GRIP1: variants seen among roughly 807,000 people sequenced by gnomAD.
The protein encoded by GRIP1 is glutamate receptor-interacting protein 1.
GRIP1 carries 45 observed loss-of-function variants against 129.9 expected under a neutral mutation model. The observed-to-expected ratio is 0.35, with a 90% CI of 0.27 to 0.44. GRIP1 has a LOEUF of 0.44. Among genes scored for constraint, GRIP1 ranks in the 20% least tolerant of loss-of-function variants. The pLI is 1.00. For missense variants in GRIP1, 1,196 were observed against 1,396.8 expected (o/e 0.86, Z 2.29); for synonymous variants, 530 against 520.8 (o/e 1.02, Z -0.24).
chr12:66,589,808 T>C (rs991607430), intron 2 of GRIP1, among the ~76,000 whole-genome samples: 3 of 152,122 alleles, frequency 2.0e-5, no homozygotes, highest in African/African-American at 7.2e-5. Flanking sequence ...TCTGAGTCAA[T>C]ATAAGGTCAA....
intron 7 of GRIP1, among the ~76,000 whole-genome samples, chr12:66,468,035 T>C (rs2059335601): frequency 6.6e-6 from 1 of 152,262 alleles, no homozygotes; most frequent in South Asian, 2.1e-4. Flanking sequence ...TGATATCTCA[T>C]CTTCTCTTCT....
chr12:66,511,920 G>A (rs977016992), intron 7 of GRIP1, among the ~76,000 whole-genome samples: 19 of 152,240 alleles, frequency 1.2e-4, no homozygotes, highest in African/African-American at 4.6e-4. Flanking sequence ...AATCCCACAT[G>A]TTGCTGGAGG....
At chr12:66,481,236 AAAAAC>A (rs1332155145) in intron 7 of GRIP1, among the ~76,000 whole-genome samples, 3 of 144,906 alleles carry the variant, frequency 2.1e-5, no homozygotes, top group Non-Finnish European at 3.0e-5. Flanking sequence ...ACAAAAAAAA[AAAAAC>A]AAATTCACAA....
intron 1 of GRIP1, among the ~76,000 whole-genome samples, chr12:66,690,760 T>G (rs61518510): frequency 0.46 from 68,256 of 148,534 alleles, 16,668 homozygotes; most frequent in Non-Finnish European, 0.52. Flanking sequence ...TAGAGACAAG[T>G]TCTCGCTATG....
intron 1 of GRIP1, among the ~76,000 whole-genome samples, chr12:66,976,175 C>A (rs2042148611): frequency 6.6e-6 from 1 of 152,138 alleles, no homozygotes; most frequent in African/African-American, 2.4e-5. Context: ...AAAGATTATG[C>A]CCATTGCCAC....
intron 1 of GRIP1, among the ~76,000 whole-genome samples, chr12:66,688,012 A>T (rs1008261407): frequency 2.0e-5 from 3 of 152,186 alleles, no homozygotes; most frequent in Non-Finnish European, 4.4e-5. Flanking sequence ...ACATGGGAAA[A>T]GCTGACTTTG....
At chr12:66,362,564 G>A (rs1357847077) in intron 23 of GRIP1, among the ~76,000 whole-genome samples, 1 of 151,914 alleles carries the variant, frequency 6.6e-6, no homozygotes, top group Non-Finnish European at 1.5e-5. Flanking sequence ...GGGAAATGGA[G>A]TGACCTTCAG....
intron 1 of GRIP1, among the ~76,000 whole-genome samples, chr12:66,628,903 C>T (rs929449462): frequency 6.6e-6 from 1 of 152,284 alleles, no homozygotes; most frequent in Admixed American, 6.5e-5. Flanking sequence ...TTTTACCCCA[C>T]CAAACTATGA....
intron 23 of GRIP1, among the ~76,000 whole-genome samples, chr12:66,359,120 C>T (rs1456666768): frequency 6.6e-6 from 1 of 152,198 alleles, no homozygotes; most frequent in Non-Finnish European, 1.5e-5. Flanking sequence ...TACAGAGGTG[C>T]AGTCCTGCAG....
Position 66,698,894 on chromosome 12 carries a change from A to C in GRIP1, c.-419-68558T>G, listed in dbSNP as rs187397184. 1.8e-3 allele frequency among the ~76,000 whole-genome samples: 272 copies of C among 152,318 alleles called. 1 individual carries two copies. Among genetic ancestry groups the C allele is most frequent in the African/African-American group, 6.3e-3 (260 of 41,566 alleles). ...CTACTGTATGATTGTGGGCAAACTC[A>C]TATTTTCATAAGTGGGGAAAACAGC... On this transcript the variant is annotated intron_variant, in intron 1 of 4. Coordinates refer to the GRIP1 transcript ENST00000538373.
chr12:66,611,595 C>T (rs2064794673), intron 1 of GRIP1, among the ~76,000 whole-genome samples: 1 of 152,106 alleles, frequency 6.6e-6, no homozygotes, highest in Admixed American at 6.6e-5. Flanking sequence ...TGAGGAATAG[C>T]TGTTCTATGA....
At chr12:66,896,330 G>A (rs772786010) in intron 1 of GRIP1, among the ~76,000 whole-genome samples, 8 of 152,174 alleles carry the variant, frequency 5.3e-5, no homozygotes, top group East Asian at 3.9e-4. Flanking sequence ...TTGTGTGTGT[G>A]CAATCCACAG....
intron 5 of GRIP1, among the ~76,000 whole-genome samples, chr12:66,524,679 A>G (rs1037484800): frequency 2.4e-4 from 37 of 152,330 alleles, no homozygotes; most frequent in Non-Finnish European, 3.4e-4. Flanking sequence ...AACTAAAATC[A>G]GAGCAGAACT....
At chr12:66,450,226 C>T (rs1406229777) in intron 11 of GRIP1, among the ~76,000 whole-genome samples, 2 of 141,218 alleles carry the variant, frequency 1.4e-5, no homozygotes, top group South Asian at 2.2e-4. Context: ...ATGGCGTGAA[C>T]CCGGGAGGCG....
chr12:66,897,215 G>A (rs868211811), intron 1 of GRIP1, among the ~76,000 whole-genome samples: 9 of 152,150 alleles, frequency 5.9e-5, no homozygotes, highest in Admixed American at 2.6e-4. Flanking sequence ...GGAGGCACTC[G>A]GTATGTGTCA....
intron 1 of GRIP1, among the ~76,000 whole-genome samples, chr12:67,033,292 T>TAA (rs1491217773): frequency 6.9e-6 from 1 of 145,550 alleles, no homozygotes; most frequent in Non-Finnish European, 1.5e-5. Context: ...TATATATATA[T>TAA]AAAGACAAAT....
At chr12:66,914,978 A>C (rs1367382179) in intron 1 of GRIP1, among the ~76,000 whole-genome samples, 2 of 152,004 alleles carry the variant, frequency 1.3e-5, no homozygotes, top group African/African-American at 4.8e-5. Flanking sequence ...AAAAGACTAA[A>C]CCCCAGAAAG....
intron 13 of GRIP1, among the ~76,000 whole-genome samples, chr12:66,435,902 C>T (rs1294216010): frequency 6.6e-6 from 1 of 152,082 alleles, no homozygotes; most frequent in Non-Finnish European, 1.5e-5. Context: ...TCTTTAAATG[C>T]CAACATGATT....
chr12:66,541,660 T>C (rs1187656498), intron 3 of GRIP1, among the ~76,000 whole-genome samples, 155 bp downstream of exon 3: 1 of 152,234 alleles, frequency 6.6e-6, no homozygotes, highest in African/African-American at 2.4e-5. Flanking sequence ...GGGAACAGCT[T>C]CTGAAACGTG....
Sources: allele counts gnomAD v4.1 joint callset (sites outside exome capture counted in the v4.1 genomes callset), GRCh38; gene constraint gnomAD v4.1.1; transcripts MANE v1.5; gene names NCBI Gene and HGNC (gene_info 2026-07-23, HGNC 2026-07-21).